The following CACNB2 variants were observed in gnomAD, a reference collection of about 807,000 sequenced individuals.
CACNB2 encodes voltage-dependent L-type calcium channel subunit beta-2.
In CACNB2, 42 loss-of-function variants were observed where a neutral mutation model predicts 73.3. The observed-to-expected ratio is 0.57, with a 90% CI of 0.45 to 0.74. The LOEUF (loss-of-function observed/expected upper bound fraction) is 0.74, where lower values mean the gene tolerates loss of function less well. Ranked by LOEUF, CACNB2 falls within the 30% of genes least tolerant of loss-of-function variation. The probability of loss-of-function intolerance (pLI) is 0.00; values close to 1 mark genes in which losing one functional copy is unlikely to be tolerated. For missense variants in CACNB2, 940 were observed against 853.0 expected, an observed-to-expected ratio of 1.10 and a Z score of -1.27; for synonymous variants, 348 against 310.3, an observed-to-expected ratio of 1.12 and a Z score of -1.28.
At chr10:18,226,739 T>C (rs1361437543) in intron 2 of CACNB2, among the ~76,000 whole-genome samples, 2 of 152,192 alleles carry the variant, frequency 1.3e-5, no homozygotes, top group African/African-American at 4.8e-5. Context: ...TAATCTCATT[T>C]AAATCTTACC....
chr10:18,381,674 G>C (rs1398925579), intron 2 of CACNB2, among the ~76,000 whole-genome samples: 1 of 143,710 alleles, frequency 7.0e-6, no homozygotes, highest in Non-Finnish European at 1.5e-5. Context: ...GGCAACATGA[G>C]TGAGACTCCG....
intron 2 of CACNB2, among the ~76,000 whole-genome samples, chr10:18,301,634 G>GC (rs2039514071): frequency 7.0e-6 from 1 of 143,390 alleles, no homozygotes; most frequent in African/African-American, 2.6e-5. Context: ...AATCCACTAA[G>GC]CCTTTCTCTC....
chr10:18,375,342 A>T (rs1459860863), intron 2 of CACNB2, among the ~76,000 whole-genome samples: 2 of 152,216 alleles, frequency 1.3e-5, no homozygotes, highest in Non-Finnish European at 2.9e-5. Context: ...TTATTAAGAT[A>T]AAGATAATCT....
At chr10:18,283,748 A>G (rs1221683619) in intron 2 of CACNB2, among the ~76,000 whole-genome samples, 1 of 152,138 alleles carries the variant, frequency 6.6e-6, no homozygotes, top group Non-Finnish European at 1.5e-5. Flanking sequence ...CAGCACACCA[A>G]CATGGCATAT....
intron 2 of CACNB2, among the ~76,000 whole-genome samples, chr10:18,336,477 G>C (rs897341630): frequency 6.6e-6 from 1 of 152,170 alleles, no homozygotes; most frequent in African/African-American, 2.4e-5. Flanking sequence ...AAATTAGCCA[G>C]GTGTAATGGC....
intron 2 of CACNB2, among the ~76,000 whole-genome samples, chr10:18,226,535 G>A (rs893199714): frequency 1.3e-5 from 2 of 152,196 alleles, no homozygotes; most frequent in Non-Finnish European, 2.9e-5. Context: ...TACACAGCCA[G>A]TAAGAGGCAG....
Position 18,542,850 on chromosome 10 carries a change from AC to A in CACNB2, c.*3128del, listed in dbSNP as rs2054123301. 1 of 151,522 alleles carries A rather than the reference AC, an allele frequency of 6.6e-6. No individual in the cohort carries two copies. The highest frequency in any genetic ancestry group is 6.6e-5 in the Admixed American group (1 of 15,170). The allele number at this position is 151,522 out of a possible 1,614,324, so 9.4% of individuals were successfully genotyped here. On this transcript the variant is annotated 3_prime_UTR_variant, in exon 14 of 14. Transcript: ENST00000324631. Reference sequence around the variant, plus strand: ...AGTTGTAGAGCCATTTTTGTAGTCAACCTAGAAAATGCTGGAAATGTATTTA... The same window carrying A: ...AGTTGTAGAGCCATTTTTGTAGTCAACTAGAAAATGCTGGAAATGTATTTA...
intron 2 of CACNB2, among the ~76,000 whole-genome samples, chr10:18,168,028 T>C (rs1056195549): frequency 3.3e-5 from 5 of 152,222 alleles, no homozygotes; most frequent in African/African-American, 4.8e-5. Flanking sequence ...CCTCTCTATC[T>C]TAATGAGTAA....
intron 6 of CACNB2, chr10:18,513,101 C>CTTTTTTTTTTTTTTTTTTTTT (rs71402179): frequency 8.7e-6 from 1 of 114,380 alleles, no homozygotes; most frequent in African/African-American, 3.5e-5. Context: ...TGACCATAAC[C>CTTTTTTTTTTTTTTTTTTTTT]TTTTTTTTTT....
intron 2 of CACNB2, among the ~76,000 whole-genome samples, chr10:18,308,910 C>T (rs1034706966): frequency 6.6e-6 from 1 of 152,118 alleles, no homozygotes; most frequent in Non-Finnish European, 1.5e-5. Flanking sequence ...AAATGAAGCA[C>T]TTGCAAAAAA....
chr10:18,401,878 A>G, intron 2 of CACNB2, 46 bp from the exon 3 acceptor site: 1 of 1,607,390 alleles, frequency 6.2e-7, no homozygotes, highest in Non-Finnish European at 8.5e-7. Flanking sequence ...TCCAATGCAA[A>G]CATCATAGAC....
intron 2 of CACNB2, among the ~76,000 whole-genome samples, chr10:18,277,618 ATAAT>A (rs748341727): frequency 2.0e-5 from 3 of 152,268 alleles, no homozygotes; most frequent in Non-Finnish European, 2.9e-5. Context: ...AACACAAATG[ATAAT>A]TAAAGCATAT....
chr10:18,260,607 CGAGT>C (rs1263517971), intron 2 of CACNB2: 1 of 986,162 alleles, frequency 1.0e-6, no homozygotes, highest in African/African-American at 1.7e-5. Flanking sequence ...ACAGTGAATT[CGAGT>C]CTAGACTCAG....
intron 3 of CACNB2, among the ~76,000 whole-genome samples, chr10:18,487,085 C>G (rs975026346): frequency 6.6e-6 from 1 of 152,120 alleles, no homozygotes. Flanking sequence ...AGAGATTGTT[C>G]GGACCAGGTG....
At chr10:18,149,102 T>C (rs1244960514) in intron 1 of CACNB2, among the ~76,000 whole-genome samples, 1 of 152,134 alleles carries the variant, frequency 6.6e-6, no homozygotes, top group South Asian at 2.1e-4. Flanking sequence ...TTAACAAAGA[T>C]TGTCGCTACA....
rs114900830 is a variant in CACNB2 at position 18,352,175 on chromosome 10, A to G, written c.214-49749A>G. Among the ~76,000 whole-genome samples the G allele has an allele frequency of 1.8e-3, 268 of 152,366 alleles. 2 individuals carry two copies. The highest frequency in any genetic ancestry group is 6.1e-3 in the African/African-American group (253 of 41,582). On this transcript the variant is annotated intron_variant, in intron 2 of 13. Transcript: ENST00000324631. ...CTGCGTACTTCATTCTTATCCTTATATAAGGGTAAGATATTTGATATTCTG... is the reference window on the plus strand; with the variant it reads ...CTGCGTACTTCATTCTTATCCTTATGTAAGGGTAAGATATTTGATATTCTG...
At chr10:18,462,488 C>T (rs1034937800) in intron 3 of CACNB2, among the ~76,000 whole-genome samples, 1 of 151,894 alleles carries the variant, frequency 6.6e-6, no homozygotes, top group Non-Finnish European at 1.5e-5. Context: ...TTCCTGGGCT[C>T]AAGCTATCCT....
chr10:18,375,286 CTCCCAA>C (rs2042749593), intron 2 of CACNB2, among the ~76,000 whole-genome samples: 1 of 152,132 alleles, frequency 6.6e-6, no homozygotes, highest in African/African-American at 2.4e-5. Context: ...TGACTTCTCC[CTCCCAA>C]TCCTGCACCA....
At chr10:18,491,754 A>C (rs2049440296) in intron 3 of CACNB2, among the ~76,000 whole-genome samples, 1 of 144,878 alleles carries the variant, frequency 6.9e-6, no homozygotes, top group Non-Finnish European at 1.5e-5. Context: ...TTGATTAACA[A>C]ATGGTTTCAT....
Sources: gnomAD v4.1 joint callset for allele counts (sites outside exome capture counted in the v4.1 genomes callset) on GRCh38, gnomAD v4.1.1 for gene constraint, MANE v1.5 for transcripts, NCBI Gene and HGNC (gene_info 2026-07-23, HGNC 2026-07-21) for gene names.